The following TTC33 variants were observed in gnomAD, a reference collection of about 807,000 sequenced individuals.
TTC33 encodes the protein tetratricopeptide repeat protein 33.
In TTC33, 24 loss-of-function variants were observed where a neutral mutation model predicts 29.4. The observed-to-expected ratio is 0.82, with a 90% CI of 0.59 to 1.15. The LOEUF is 1.15. TTC33 is among the 50% of genes most tolerant of loss of function. TTC33 has a pLI of 0.00. For missense variants in TTC33, 286 were observed against 310.4 expected, an observed-to-expected ratio of 0.92 and a Z score of 0.59; for synonymous variants, 107 against 100.3, an observed-to-expected ratio of 1.07 and a Z score of -0.40.
rs555493490 is a variant in TTC33, at chr5:40,728,216, G to A, written c.435+129C>T. 289 of 672,708 alleles carry A rather than the reference G, an allele frequency of 4.3e-4. 2 individuals carry two copies. The African/African-American group carries it at 4.3e-3, about 10-fold the overall frequency. The allele number at this position is 672,708 out of a possible 1,614,324, so 41.7% of individuals were successfully genotyped here. On this transcript the variant is annotated intron_variant, in intron 4 of 4. Transcript: ENST00000337702. ...GGAGAATCGCTTGAACCCAGGAGGC[G>A]GAGGTTGCCGTGAGCTGAGATTGCA...
At position 40,716,136 on chromosome 5, in the gene TTC33, C is replaced by T. The variant is rs750859203; in HGVS notation, c.*9G>A. ...AAAGACAGATTCAAATAATCCTATG[C>T]ATACTGCTTCATCGGGCTTTGATAA... On this transcript the variant is annotated 3_prime_UTR_variant, in exon 5 of 5. Transcript: ENST00000337702. 6 of 1,581,648 alleles carry T rather than the reference C, an allele frequency of 3.8e-6. No individual in the cohort carries two copies. Among genetic ancestry groups the T allele is most frequent in the Non-Finnish European group, 5.2e-6 (6 of 1,162,186 alleles).
intron 4 of TTC33, among the ~76,000 whole-genome samples, chr5:40,717,345 G>C (rs1412612404): frequency 6.6e-6 from 1 of 151,786 alleles, no homozygotes; most frequent in Admixed American, 6.6e-5. Context: ...AGAAAGAGTA[G>C]AAACCAAAGG....
At chr5:40,720,665 A>G (rs1226084470) in intron 4 of TTC33, among the ~76,000 whole-genome samples, 1 of 152,170 alleles carries the variant, frequency 6.6e-6, no homozygotes, top group African/African-American at 2.4e-5. Flanking sequence ...CAATTCAGCA[A>G]CAATTCACAA....
At chr5:40,718,623 G>A (rs930717164) in intron 4 of TTC33, among the ~76,000 whole-genome samples, 3 of 151,616 alleles carry the variant, frequency 2.0e-5, no homozygotes, top group African/African-American at 7.3e-5. Context: ...TCCACGTGGT[G>A]GCTACTCAGG....
Position 40,738,539 on chromosome 5 carries a change from C to CAATAAAATACAATAAAATAA in TTC33, c.222-8197_222-8196insTTATTTTATTGTATTTTATT, listed in dbSNP as rs1554027946. On this transcript the variant is annotated intron_variant, in intron 2 of 4. Coordinates refer to ENST00000337702, the MANE Select transcript of TTC33 (RefSeq NM_012382.3). ...CAATAAAATAAAATACAATAAAATACAATAAAATAAAATAAAATAAAATAA... is the reference window on the plus strand; with the variant it reads ...CAATAAAATAAAATACAATAAAATACAATAAAATACAATAAAATAAAATAAAATAAAATAAAATAAAATAA... Among the ~76,000 whole-genome samples, 102 of 67,410 alleles carry CAATAAAATACAATAAAATAA rather than the reference C, an allele frequency of 1.5e-3. 2 individuals are homozygous for CAATAAAATACAATAAAATAA. The highest frequency in any genetic ancestry group is 3.3e-3 in the Admixed American group (18 of 5,510). The allele number at this position is 67,410 out of a possible 152,430, so 44.2% of individuals were successfully genotyped here.
At position 40,712,271 on chromosome 5, in the gene TTC33, T is replaced by TA. The variant is rs903874744; in HGVS notation, c.*3873dup. Among the ~76,000 whole-genome samples the TA allele has an allele frequency of 6.6e-5, 10 of 151,994 alleles. No individual in the cohort carries two copies. Among genetic ancestry groups the TA allele is most frequent in the South Asian group, 6.2e-4 (3 of 4,816 alleles). ...CAATTTCAATAGAATTTCCATTATT[T>TA]AAAAAAAACCTCTAAAATTAGGAAA... On this transcript the variant is annotated 3_prime_UTR_variant, in exon 5 of 5. Coordinates refer to ENST00000337702, the MANE Select transcript of TTC33 (RefSeq NM_012382.3).
Position 40,722,282 on chromosome 5 carries a change from T to G in TTC33, c.436-5784A>C, listed in dbSNP as rs568332519. Among the ~76,000 whole-genome samples the G allele has an allele frequency of 2.7e-3, 409 of 152,274 alleles. 1 individual carries two copies. Among genetic ancestry groups the G allele is most frequent in the Middle Eastern group, 0.017 (5 of 294 alleles). On this transcript the variant is annotated intron_variant, in intron 4 of 4. Coordinates refer to ENST00000337702, the MANE Select transcript of TTC33 (RefSeq NM_012382.3). ...AACCTCCACCTCCCAGCCGCCTGCC[T>G]TGGCCTCCCAAAGTGCCGAGATTGC...
chr5:40,734,115 AT>A (rs565615982), intron 2 of TTC33, among the ~76,000 whole-genome samples: 39 of 152,340 alleles, frequency 2.6e-4, no homozygotes, highest in South Asian at 6.2e-4. Context: ...AAAGCAAGAA[AT>A]GGTGGGTATT....
At chr5:40,748,196 C>CTGTTT (rs1194733015) in intron 1 of TTC33, among the ~76,000 whole-genome samples, 1 of 151,738 alleles carries the variant, frequency 6.6e-6, no homozygotes, top group African/African-American at 2.4e-5. Flanking sequence ...TAAGAAATCA[C>CTGTTT]TGTTTTGTTT....
intron 2 of TTC33, among the ~76,000 whole-genome samples, chr5:40,734,967 G>A (rs1362638121): frequency 6.6e-6 from 1 of 152,190 alleles, no homozygotes; most frequent in African/African-American, 2.4e-5. Flanking sequence ...TCCTAGGAAC[G>A]CATTCAAGCT....
Position 40,716,445 on chromosome 5 carries a change from T to C in TTC33, c.489A>G (p.Ile163Met), listed in dbSNP as rs753644107. 8.1e-6 allele frequency: 13 copies of C among 1,613,516 alleles called. No individual in the cohort carries two copies. Among genetic ancestry groups the C allele is most frequent in the African/African-American group, 1.3e-5 (1 of 74,898 alleles). The change falls in exon 5 of 5, where the codon ATA becomes ATG. Residue 163 changes from isoleucine (I) to methionine (M), a missense_variant. Transcript: ENST00000337702. Reference sequence around the variant, plus strand: ...TTGCCCAAGAGAGGTCTTCTTTCCATATTTCAGGGTTCATTGGATAGATGT... The same window carrying C: ...TTGCCCAAGAGAGGTCTTCTTTCCACATTTCAGGGTTCATTGGATAGATGT... ...ALHIYPMNPE[I>M]WKEDLSWART...
chr5:40,726,733 A>T (rs768882724), intron 4 of TTC33, among the ~76,000 whole-genome samples: 7 of 152,132 alleles, frequency 4.6e-5, no homozygotes, highest in Non-Finnish European at 1.0e-4. Flanking sequence ...TTCTTTATAA[A>T]GGACAATCTT....
At chr5:40,724,161 G>A (rs1368521004) in intron 4 of TTC33, among the ~76,000 whole-genome samples, 3 of 152,024 alleles carry the variant, frequency 2.0e-5, no homozygotes, top group East Asian at 3.9e-4. Flanking sequence ...AAAGCAAATG[G>A]TATACACACA....
intron 1 of TTC33, among the ~76,000 whole-genome samples, chr5:40,751,718 G>C (rs1742897230): frequency 1.3e-5 from 2 of 152,076 alleles, no homozygotes; most frequent in Admixed American, 6.6e-5. Context: ...CAGCACTTTG[G>C]GGGGCCAAGG....
At position 40,715,635 on chromosome 5, in the gene TTC33, A is replaced by C. The variant is rs1741981829; in HGVS notation, c.*510T>G. Reference sequence around the variant, plus strand: ...TCAGCCAAACTTTCAAAGATTCCACATATAACCAAATGACAACTTTGAATC... The same window carrying C: ...TCAGCCAAACTTTCAAAGATTCCACCTATAACCAAATGACAACTTTGAATC... On this transcript the variant is annotated 3_prime_UTR_variant, in exon 5 of 5. Transcript: ENST00000337702. The C allele has an allele frequency of 6.6e-6, 1 of 152,468 alleles. No individual in the cohort carries two copies. Among genetic ancestry groups the C allele is most frequent in the Non-Finnish European group, 1.5e-5 (1 of 68,098 alleles). 9.4% of individuals were successfully genotyped at this position (152,468 alleles called of 1,614,324 possible).
intron 4 of TTC33, among the ~76,000 whole-genome samples, chr5:40,723,346 A>T (rs1161656598): frequency 1.3e-5 from 2 of 152,116 alleles, no homozygotes; most frequent in Non-Finnish European, 2.9e-5. Context: ...CTTTGTTCAC[A>T]TGTTTATCTG....
intron 2 of TTC33, among the ~76,000 whole-genome samples, chr5:40,742,863 A>C (rs1012389950): frequency 1.3e-5 from 2 of 152,180 alleles, no homozygotes; most frequent in African/African-American, 4.8e-5. Context: ...CGTATATTCT[A>C]TAGATATCAT....
rs1741996931 is a variant in TTC33, at chr5:40,716,295, A to C, written c.639T>G (p.Ala213=). 6.2e-7 allele frequency: 1 copy of C among 1,614,218 alleles called. No individual in the cohort carries two copies. Residue 213 remains alanine (A), a synonymous_variant, in exon 5 of 5, where the codon GCT becomes GCG. Coordinates refer to ENST00000337702, the MANE Select transcript of TTC33 (RefSeq NM_012382.3). Reference sequence around the variant, plus strand: ...CTTTCTCAGCAATAGCTGCACAAACAGCAACAATCTCATCACTTTCAAAGT... The same window carrying C: ...CTTTCTCAGCAATAGCTGCACAAACCGCAACAATCTCATCACTTTCAAAGT... ...DYDFESDEIV[A]VCAAIAEKEK... is the part of the protein sequence containing the mutation.
chr5:40,717,663 T>G (rs1202239070), intron 4 of TTC33, among the ~76,000 whole-genome samples: 1 of 152,246 alleles, frequency 6.6e-6, no homozygotes, highest in Non-Finnish European at 1.5e-5. Flanking sequence ...GGGGTAAAAC[T>G]GCCCTCCAAG....
Sources: allele counts gnomAD v4.1 joint callset (sites outside exome capture counted in the v4.1 genomes callset), GRCh38; gene constraint gnomAD v4.1.1; transcripts MANE v1.5; gene names NCBI Gene and HGNC (gene_info 2026-07-23, HGNC 2026-07-21).